The following RFX1 variants were observed in gnomAD, a reference collection of about 807,000 sequenced individuals.
RFX1 encodes the protein MHC class II regulatory factor RFX1.
RFX1 carries 42 observed loss-of-function variants against 119.6 expected under a neutral mutation model. The observed-to-expected ratio is 0.35, with a 90% CI of 0.27 to 0.45. RFX1 has a LOEUF of 0.45. Ranked by LOEUF, RFX1 falls within the 20% of genes least tolerant of loss-of-function variation. The probability of loss-of-function intolerance (pLI) is 1.00; values close to 1 mark genes in which losing one functional copy is unlikely to be tolerated. For missense variants in RFX1, 1,118 were observed against 1,368.1 expected (o/e 0.82, Z 2.88); for synonymous variants, 628 against 618.5 (o/e 1.02, Z -0.23).
Position 13,965,490 on chromosome 19 carries a change from G to A in RFX1, c.2170C>T (p.His724Tyr). The A allele has an allele frequency of 6.2e-7, 1 of 1,614,026 alleles. No individual in the cohort carries two copies. The highest frequency in any genetic ancestry group is 8.5e-7 in the Non-Finnish European group (1 of 1,179,980). ...FAKSLESWLT[H>Y]AMVNIPEEML... Reference sequence around the variant, plus strand: ...TCCTCGGGGATGTTGACCATGGCGTGGGTGAGCCAGCTCTCCAGGCTCTTG... The same window carrying A: ...TCCTCGGGGATGTTGACCATGGCGTAGGTGAGCCAGCTCTCCAGGCTCTTG... Residue 724 changes from histidine to tyrosine, a missense_variant, in exon 16 of 21, where the codon CAC becomes TAC. By Grantham distance (83) the His-to-Tyr change is moderately conservative. Around this residue, in one of 5 missense-constraint regions of RFX1, gnomAD observed 338 missense variants for 508.9 expected, o/e 0.66. Transcript: ENST00000254325. This position sits in a 1 kb window ranked among gnomAD's most constrained non-coding sequence, Gnocchi z 4.7.
In RFX1 at chr19:13,972,928, TG is replaced by T. The variant is rs1568463885; in HGVS notation, c.1128del (p.Ser377AlafsTer38). The T allele has an allele frequency of 1.3e-6, 2 of 1,598,374 alleles. No individual in the cohort carries two copies. The highest frequency in any genetic ancestry group is 1.7e-6 in the Non-Finnish European group (2 of 1,178,950). On this transcript the variant is annotated frameshift_variant, in exon 9 of 21. Transcript: ENST00000254325. LOFTEE classifies it high-confidence loss of function. ...CTGCCACCACCTCCGCTGCTGTTGC[TG>T]GCCCCAGCCCCAGTGCTGGTGGAGC... ...VASSTSTGAG[A>X]SNSSGGGGSG...
At chr19:14,002,926 G>A (rs546580278) in intron 1 of RFX1, among the ~76,000 whole-genome samples, 43 of 152,142 alleles carry the variant, frequency 2.8e-4, no homozygotes, top group Non-Finnish European at 4.7e-4. Context: ...CCACATCCCC[G>A]CTCACCCAGC....
At chr19:13,974,345 T>C (rs762806282) in intron 8 of RFX1, among the ~76,000 whole-genome samples, 45 of 152,266 alleles carry the variant, frequency 3.0e-4, no homozygotes, top group Non-Finnish European at 6.0e-4. Context: ...GCCTCTCTCC[T>C]TCAGATATCG....
intron 2 of RFX1, among the ~76,000 whole-genome samples, chr19:13,989,840 G>A (rs1974742655): frequency 7.3e-6 from 1 of 136,866 alleles, no homozygotes; most frequent in Non-Finnish European, 1.5e-5. Flanking sequence ...GACCAGGATT[G>A]GGGTCATAGA....
Position 13,964,011 on chromosome 19 carries a change from C to T in RFX1, c.2212-4G>A, listed in dbSNP as rs1206133066. 5.9e-6 allele frequency: 9 copies of T among 1,532,172 alleles called. No homozygotes were observed. The Admixed American group carries it at 7.9e-5, about 13-fold the overall frequency. 94.9% of individuals were successfully genotyped at this position (1,532,172 alleles called of 1,614,324 possible). A position where few individuals can be genotyped will look rare whatever the true frequency, so the allele number is the denominator to read the frequency against. ...CGAAGGCGCCAGCCGCGGCCACCTG[C>T]GTGCAGGGATTGAGGGGCTTGCTGC... is the stretch of plus-strand genomic sequence containing the variant. On this transcript the variant is annotated splice_polypyrimidine_tract_variant and splice_region_variant and intron_variant, in intron 16 of 20. Coordinates refer to ENST00000254325, the MANE Select transcript of RFX1 (RefSeq NM_002918.5).
Position 13,978,100 on chromosome 19 carries a change from A to G in RFX1, c.835-14T>C. 1 of 1,604,736 alleles carries G rather than the reference A, an allele frequency of 6.2e-7. No homozygotes were observed. Among genetic ancestry groups the G allele is most frequent in the Non-Finnish European group, 8.5e-7 (1 of 1,173,110 alleles). On this transcript the variant is annotated splice_polypyrimidine_tract_variant and intron_variant, in intron 7 of 20. Transcript: ENST00000254325. ...GAGCTGCTGCACCTGGGGCAGAGGAAGGGCACGTGGAGGGTCAGGGGTGGG... is the reference window on the plus strand; with the variant it reads ...GAGCTGCTGCACCTGGGGCAGAGGAGGGGCACGTGGAGGGTCAGGGGTGGG...
chr19:14,005,850 GC>G, intron 1 of RFX1, among the ~76,000 whole-genome samples: 2 of 128,684 alleles, frequency 1.6e-5, no homozygotes, highest in South Asian at 5.3e-4. Flanking sequence ...AAAGCCCCCC[GC>G]CCCGGCCTGC....
At position 13,990,498 on chromosome 19, in the gene RFX1, T is replaced by C. The variant is rs1974764047; in HGVS notation, c.319+3027A>G. The stretch of plus-strand genomic sequence containing the variant: ...GAGTTCAAGACCAGCCTGGGCAACA[T>C]AGTGAGACTCTGTCTCTACAAAAAA... On this transcript the variant is annotated intron_variant, in intron 2 of 20. Transcript: ENST00000254325. This position sits in a 1 kb window ranked among gnomAD's most constrained non-coding sequence, Gnocchi z 4.1. Among the ~76,000 whole-genome samples the C allele has an allele frequency of 2.0e-5, 3 of 150,136 alleles. No individual in the cohort carries two copies. The highest frequency in any genetic ancestry group is 4.2e-4 in the South Asian group (2 of 4,740).
intron 8 of RFX1, among the ~76,000 whole-genome samples, chr19:13,977,663 C>T (rs866432152): frequency 4.6e-5 from 7 of 151,938 alleles, no homozygotes; most frequent in East Asian, 1.9e-4. Context: ...GTGATCTGCC[C>T]GCTTAGGCCT....
chr19:13,997,217 C>G (rs982079369), intron 1 of RFX1, among the ~76,000 whole-genome samples: 3 of 152,176 alleles, frequency 2.0e-5, no homozygotes, highest in African/African-American at 7.2e-5. Flanking sequence ...TGCCTCCCTC[C>G]CCCGGGATCC....
In RFX1 at chr19:13,972,296, C is replaced by G. The variant is rs554646833; in HGVS notation, c.1314+447G>C. Among the ~76,000 whole-genome samples, 766 of 151,306 alleles carry G rather than the reference C, an allele frequency of 5.1e-3. 3 individuals carry two copies. Among genetic ancestry groups the G allele is most frequent in the Middle Eastern group, 0.017 (5 of 292 alleles). On this transcript the variant is annotated intron_variant, in intron 9 of 20. Transcript: ENST00000254325. ...ACTGCAACCACCTCCCAGGTTCAAG[C>G]AAGTCTCATGCCTCACCCTCCTGAG...
Position 13,963,650 on chromosome 19 carries a change from G to T in RFX1, c.2458C>A (p.Gln820Lys). The change falls in exon 18 of 21, where the codon CAG (glutamine) becomes AAG (lysine). Residue 820 changes from glutamine (Q) to lysine (K), a missense_variant. Gln to Lys is a moderately conservative substitution (Grantham distance 53). Transcript: ENST00000254325. ...VTLQQQNSLE[Q>K]WAAWLDGVVS... ...ACGCCGTCCAGCCAGGCCGCCCACT[G>T]CTCCAGCGAGTTCTGCTGCTGCAGC... The T allele has an allele frequency of 6.2e-7, 1 of 1,602,562 alleles. No homozygotes were observed. Among genetic ancestry groups the T allele is most frequent in the Non-Finnish European group, 8.5e-7 (1 of 1,177,580 alleles).
intron 1 of RFX1, among the ~76,000 whole-genome samples, chr19:14,003,286 C>A (rs903915054): frequency 6.6e-6 from 1 of 151,826 alleles, no homozygotes; most frequent in African/African-American, 2.4e-5. Flanking sequence ...AGCCACTGTG[C>A]CCGGCCAGGA....
At chr19:13,978,347 C>T (rs543914421) in intron 7 of RFX1, among the ~76,000 whole-genome samples, 1 of 152,234 alleles carries the variant, frequency 6.6e-6, no homozygotes, top group South Asian at 2.1e-4. Context: ...GGACCCGAGA[C>T]AGGGTCCTGT....
intron 1 of RFX1, among the ~76,000 whole-genome samples, chr19:13,996,398 C>T (rs536004801): frequency 2.6e-5 from 4 of 152,388 alleles, no homozygotes; most frequent in Admixed American, 6.5e-5. Flanking sequence ...CACTAACACT[C>T]AGCACCCATG....
rs970298365 is a variant in RFX1 at position 13,962,399 on chromosome 19, C to T, written c.*296G>A. Reference sequence around the variant, plus strand: ...TGGGAGGACGGGGCTGGGGAGAAGACGCTGGGGCCTGGGAGGGGGGCGGCC... The same window carrying T: ...TGGGAGGACGGGGCTGGGGAGAAGATGCTGGGGCCTGGGAGGGGGGCGGCC... On this transcript the variant is annotated 3_prime_UTR_variant, in exon 21 of 21. Coordinates refer to ENST00000254325, the MANE Select transcript of RFX1 (RefSeq NM_002918.5). 5.9e-4 allele frequency: 270 copies of T among 456,498 alleles called. No homozygotes were observed. Among genetic ancestry groups the T allele is most frequent in the Middle Eastern group, 2.4e-3 (4 of 1,690 alleles). The allele number at this position is 456,498 out of a possible 1,614,324, so 28.3% of individuals were successfully genotyped here.
chr19:13,966,316 A>G lies in RFX1; in HGVS notation c.1961+105T>C. On this transcript the variant is annotated intron_variant, in intron 14 of 20. Coordinates refer to ENST00000254325, the MANE Select transcript of RFX1 (RefSeq NM_002918.5). This position sits in a 1 kb window ranked among gnomAD's most constrained non-coding sequence, Gnocchi z 6.3. ...ACAGCCAAGGATATGTGTACCCCACAAACTGCAGGGGACAAGCAGGTGCCC... is the reference window on the plus strand; with the variant it reads ...ACAGCCAAGGATATGTGTACCCCACGAACTGCAGGGGACAAGCAGGTGCCC... 1 of 693,820 alleles carries G rather than the reference A, an allele frequency of 1.4e-6. No individual in the cohort carries two copies. Among genetic ancestry groups the G allele is most frequent in the Non-Finnish European group, 2.5e-6 (1 of 395,460 alleles). 43.0% of individuals were successfully genotyped at this position (693,820 alleles called of 1,614,324 possible).
intron 4 of RFX1, chr19:13,982,980 G>A (rs1389382908): frequency 2.8e-5 from 16 of 568,556 alleles, no homozygotes; most frequent in Non-Finnish European, 1.9e-5. Context: ...CTGCTGAGAT[G>A]GCTCCTGCAG....
chr19:13,984,381 T>C (rs1164329359), intron 2 of RFX1, among the ~76,000 whole-genome samples: 1 of 152,166 alleles, frequency 6.6e-6, no homozygotes. Flanking sequence ...CTGCCTGCCC[T>C]CTTGGAAAAA....
Sources: allele counts gnomAD v4.1 joint callset (sites outside exome capture counted in the v4.1 genomes callset), GRCh38; gene constraint gnomAD v4.1.1; regional missense constraint gnomAD v4.1.1; non-coding constraint Gnocchi (gnomAD v3.1); transcripts MANE v1.5; gene names NCBI Gene and HGNC (gene_info 2026-07-23, HGNC 2026-07-21).